FHIT: variants seen among roughly 807,000 people sequenced by gnomAD.
FHIT encodes fragile histidine triad diadenosine triphosphatase, also known as bis(5'-adenosyl)-triphosphatase.
A neutral mutation model predicts 17.9 loss-of-function variants in FHIT; 19 were observed. The ratio of observed to expected loss-of-function variants is 1.06; its 90% CI spans 0.74 to 1.56. FHIT has a LOEUF of 1.56. FHIT is among the 40% of genes most tolerant of loss of function. The pLI is 0.00. For missense variants in FHIT, 248 were observed against 189.2 expected (o/e 1.31, Z -1.82); for synonymous variants, 81 against 69.7 (o/e 1.16, Z -0.81).
rs1243065247 is a variant in FHIT at position 60,431,409 on chromosome 3, T to C, written c.103+105451A>G. 3.3e-5 allele frequency among the ~76,000 whole-genome samples: 5 copies of C among 151,938 alleles called. No individual in the cohort carries two copies. The South Asian group carries it at 6.2e-4, about 19-fold the overall frequency. ...CAGAACCACTGCTCGCTCACTCTTA[T>C]CCGTAGAATCAATTCAGGATGCTTA... On this transcript the variant is annotated intron_variant, in intron 5 of 9. Transcript: ENST00000492590.
At chr3:60,769,018 T>G (rs1370030626) in intron 4 of FHIT, among the ~76,000 whole-genome samples, 2 of 152,178 alleles carry the variant, frequency 1.3e-5, no homozygotes, top group Admixed American at 1.3e-4. Context: ...GTGAACAACC[T>G]CAAATGTTTT....
At chr3:60,547,208 C>T (rs373833045) in intron 4 of FHIT, among the ~76,000 whole-genome samples, 4 of 151,984 alleles carry the variant, frequency 2.6e-5, no homozygotes, top group East Asian at 3.9e-4. Flanking sequence ...CTAGATGTAC[C>T]AATATTCTGT....
intron 8 of FHIT, among the ~76,000 whole-genome samples, chr3:59,898,335 G>C (rs532318377): frequency 2.0e-5 from 3 of 151,984 alleles, no homozygotes; most frequent in Non-Finnish European, 4.4e-5. Flanking sequence ...TCTGACAACT[G>C]AACCACTTCT....
intron 8 of FHIT, among the ~76,000 whole-genome samples, chr3:59,890,890 C>T (rs535755498): frequency 7.9e-5 from 12 of 152,140 alleles, no homozygotes; most frequent in Admixed American, 7.2e-4. Flanking sequence ...ATTTCTCCCC[C>T]CCAACACTGG....
At chr3:61,036,180 T>C (rs908719036) in intron 3 of FHIT, among the ~76,000 whole-genome samples, 3 of 152,118 alleles carry the variant, frequency 2.0e-5, no homozygotes, top group Admixed American at 1.3e-4. Context: ...TAGCAGGCAC[T>C]TCACATGGGG....
chr3:60,896,451 A>G (rs11706057), intron 3 of FHIT, among the ~76,000 whole-genome samples: 82,843 of 152,014 alleles, frequency 0.54, 25,578 homozygotes, highest in East Asian at 0.9. Context: ...CCTTTCCCCA[A>G]TCCACAGTTG....
rs1050864923 is a variant in FHIT, at chr3:60,099,242, T to C, written c.104-85090A>G. ...GCTCTGTTTACCTCTTGATAACTTA[T>C]CCATCTACCAACCAAGAATTTTTAA... On this transcript the variant is annotated intron_variant, in intron 5 of 9. Coordinates refer to ENST00000492590, the MANE Select transcript of FHIT (RefSeq NM_002012.4). Among the ~76,000 whole-genome samples, 9 of 152,190 alleles carry C rather than the reference T, an allele frequency of 5.9e-5. No individual in the cohort carries two copies. In the South Asian group the frequency reaches 1.2e-3, roughly 21 times the overall value.
rs1458548392 is a variant in FHIT, at chr3:60,752,895, A to G, written c.-18+69024T>C. ...ACAAACTGTATTATGTCACTTTAGA[A>G]ATTTCAAAATAGAGATCTCTAGGTA... On this transcript the variant is annotated intron_variant, in intron 4 of 9. Coordinates refer to ENST00000492590, the MANE Select transcript of FHIT (RefSeq NM_002012.4). Among the ~76,000 whole-genome samples the G allele has an allele frequency of 2.6e-5, 4 of 152,174 alleles. No homozygotes were observed. The East Asian group carries it at 7.7e-4, about 29-fold the overall frequency.
intron 5 of FHIT, among the ~76,000 whole-genome samples, chr3:60,400,837 C>T (rs979034952): frequency 1.3e-5 from 2 of 151,946 alleles, no homozygotes; most frequent in Non-Finnish European, 2.9e-5. Context: ...AGTCTAAATT[C>T]AAAGTCTCTA....
intron 4 of FHIT, among the ~76,000 whole-genome samples, chr3:60,710,086 A>C (rs544401408): frequency 3.3e-5 from 5 of 152,066 alleles, no homozygotes; most frequent in African/African-American, 9.6e-5. Context: ...AAAAAAAAAA[A>C]AAAAAAAAAC....
rs1410657673 is a variant in FHIT, at chr3:60,365,044, C to G, written c.103+171816G>C. Among the ~76,000 whole-genome samples, 6 of 146,116 alleles carry G rather than the reference C, an allele frequency of 4.1e-5. No individual in the cohort carries two copies. In the East Asian group the frequency reaches 1.3e-3, roughly 31 times the overall value. On this transcript the variant is annotated intron_variant, in intron 5 of 9. Transcript: ENST00000492590. The stretch of plus-strand genomic sequence containing the variant: ...TATATGTTTGTATGTATGTATCTAT[C>G]TGAATATATATATATATATTCTATT...
rs576686591 is a variant in FHIT at position 60,663,878 on chromosome 3, T to C, written c.-17-126899A>G. Among the ~76,000 whole-genome samples, 30 of 152,352 alleles carry C rather than the reference T, an allele frequency of 2.0e-4. No individual in the cohort carries two copies. In the South Asian group the frequency reaches 4.8e-3, roughly 24 times the overall value. On this transcript the variant is annotated intron_variant, in intron 4 of 9. Coordinates refer to ENST00000492590, the MANE Select transcript of FHIT (RefSeq NM_002012.4). Reference sequence around the variant, plus strand: ...CATCCTGCACCCTTGCTGAACTCACTTGTTCTAGGATTTTTGTTGTTGTAG... The same window carrying C: ...CATCCTGCACCCTTGCTGAACTCACCTGTTCTAGGATTTTTGTTGTTGTAG...
intron 4 of FHIT, among the ~76,000 whole-genome samples, chr3:60,764,881 T>C (rs1699795391): frequency 6.6e-6 from 1 of 152,042 alleles, no homozygotes; most frequent in African/African-American, 2.4e-5. Context: ...AAAGTACAAA[T>C]AGAGGTAACA....
intron 8 of FHIT, among the ~76,000 whole-genome samples, chr3:59,918,208 C>T (rs1169237570): frequency 1.3e-5 from 2 of 151,488 alleles, no homozygotes; most frequent in East Asian, 2.1e-4. Flanking sequence ...TCTTCTAGTT[C>T]AACACCTTGT....
chr3:59,773,716 T>C (rs1421622697), intron 8 of FHIT, among the ~76,000 whole-genome samples: 1 of 152,128 alleles, frequency 6.6e-6, no homozygotes, highest in Non-Finnish European at 1.5e-5. Flanking sequence ...GGGTGTGGAC[T>C]GCAGACCAAC....
At chr3:61,061,680 T>C (rs2034435174) in intron 2 of FHIT, among the ~76,000 whole-genome samples, 1 of 152,132 alleles carries the variant, frequency 6.6e-6, no homozygotes, top group Admixed American at 6.5e-5. Context: ...GCTTGTGTTC[T>C]TAACTTCCAC....
intron 4 of FHIT, among the ~76,000 whole-genome samples, chr3:60,561,417 G>A (rs754158848): frequency 2.6e-5 from 4 of 151,836 alleles, no homozygotes; most frequent in East Asian, 1.9e-4. Flanking sequence ...CTTACAAGTC[G>A]CTATTGATAG....
chr3:59,801,748 G>T (rs1337154101), intron 8 of FHIT, among the ~76,000 whole-genome samples: 1 of 152,072 alleles, frequency 6.6e-6, no homozygotes, highest in Non-Finnish European at 1.5e-5. Context: ...GACAAGCAGA[G>T]TGAGGTTTCG....
chr3:60,350,275 C>T (rs1048867209), intron 5 of FHIT, among the ~76,000 whole-genome samples: 13 of 152,056 alleles, frequency 8.5e-5, no homozygotes, highest in African/African-American at 3.1e-4. Flanking sequence ...TAATAGTGTA[C>T]ATGTGTACTT....
Sources: gnomAD v4.1 joint callset for allele counts (sites outside exome capture counted in the v4.1 genomes callset) on GRCh38, gnomAD v4.1.1 for gene constraint, MANE v1.5 for transcripts, NCBI Gene and HGNC (gene_info 2026-07-23, HGNC 2026-07-21) for gene names.